The following HRNR variants were observed in gnomAD, a reference collection of about 807,000 sequenced individuals.
The protein encoded by HRNR is filaggrin family member 3.
A neutral mutation model predicts 4.8 loss-of-function variants in HRNR; 7 were observed. The ratio of observed to expected loss-of-function variants is 1.47; its 90% confidence interval spans 0.83 to 2.75. The LOEUF is 2.75. Among genes scored for constraint, HRNR ranks in the 30% most tolerant of loss-of-function variants. The pLI, the probability that HRNR is intolerant of heterozygous loss-of-function variation, is 0.00. For missense variants in HRNR, 2,879 were observed against 3,010.4 expected, an observed-to-expected ratio of 0.96 and a Z score of 1.02; for synonymous variants, 1,023 against 1,242.7, an observed-to-expected ratio of 0.82 and a Z score of 3.72.
chr1:152,220,901 C>G lies in HRNR; in HGVS notation c.728G>C (p.Gly243Ala), dbSNP rs774118332. Residue 243 changes from glycine (G) to alanine (A), a missense_variant, in exon 3 of 3, where the codon GGT (glycine) becomes GCT (alanine). Physicochemically the swap from Gly to Ala is moderately conservative, Grantham distance 60. Transcript: ENST00000368801. ...QHKSSSGQSS[G>A]YSQHGSGSGH... is the part of the protein sequence containing the mutation. ...TGAGCCAGATCCATGCTGACTGTAA[C>G]CAGAGGACTGCCCTGAGCTAGACTT... 6.2e-6 allele frequency: 10 copies of G among 1,614,170 alleles called. No homozygotes were observed. In the East Asian group the frequency reaches 2.2e-4, roughly 36 times the overall value.
chr1:152,223,281 A>T lies in HRNR; in HGVS notation c.-25-3T>A. The T allele has an allele frequency of 1.9e-6, 3 of 1,592,152 alleles. No homozygotes were observed. The highest frequency in any genetic ancestry group is 2.6e-6 in the Non-Finnish European group (3 of 1,167,596). On this transcript the variant is annotated splice_region_variant and splice_polypyrimidine_tract_variant and intron_variant, in intron 1 of 2. Transcript: ENST00000368801. Reference sequence around the variant, plus strand: ...TTTTTTTTGCAAGTTTGAGTAACCTAAAGGGAGGAAAAAGAGAGACCAACC... The same window carrying T: ...TTTTTTTTGCAAGTTTGAGTAACCTTAAGGGAGGAAAAAGAGAGACCAACC...
In HRNR at chr1:152,221,295, G is replaced by C; in HGVS notation, c.334C>G (p.Gln112Glu). The change falls in exon 3 of 3, where the codon CAA becomes GAA. Residue 112 changes from glutamine (Q) to glutamate (E), a missense_variant. Coordinates refer to ENST00000368801, the MANE Select transcript of HRNR (RefSeq NM_001009931.3). The stretch of plus-strand genomic sequence containing the variant: ...TTCTCCTCTTTTTCAGTTTCTTCTT[G>C]TTCCTCTTGGTGCTGGTGAGTGTCA... The part of the protein sequence containing the change: ...RDDTHQHQEE[Q>E]EETEKEENKR... 6.2e-7 allele frequency: 1 copy of C among 1,613,926 alleles called. No individual in the cohort carries two copies. Among genetic ancestry groups the C allele is most frequent in the Non-Finnish European group, 8.5e-7 (1 of 1,180,002 alleles).
At position 152,219,701 on chromosome 1, in the gene HRNR, G is replaced by A; in HGVS notation, c.1928C>T (p.Ser643Leu). Reference sequence around the variant, plus strand: ...TTGGCCATAGCGAGAAGACTGACTTGAGCCAGAGCCATGCTGACCGTGGCT... The same window carrying A: ...TTGGCCATAGCGAGAAGACTGACTTAAGCCAGAGCCATGCTGACCGTGGCT... ...SSSHGQHGSG[S>L]SQSSRYGQQG... The change falls in exon 3 of 3, where the codon TCA (serine) becomes TTA (leucine). Residue 643 changes from serine to leucine, a missense_variant. Ser to Leu is a moderately radical substitution (Grantham distance 145). Around this residue, in one of 8 missense-constraint regions of HRNR, gnomAD observed 2,646 missense variants for 1,377.7 expected, o/e 1.92. Transcript: ENST00000368801. 1 of 1,613,468 alleles carries A rather than the reference G, an allele frequency of 6.2e-7. No homozygotes were observed.
Position 152,221,184 on chromosome 1 carries a change from T to G in HRNR, c.445A>C (p.Lys149Gln). ...SYSRNVRGSL[K>Q]PGTESISRRL... The stretch of plus-strand genomic sequence containing the variant: ...CTGGATATGGATTCAGTCCCAGGTT[T>G]AAGACTTCCTCTGACGTTTCTGGAA... The change falls in exon 3 of 3, where the codon AAA (lysine) becomes CAA (glutamine). Residue 149 changes from lysine to glutamine, a missense_variant. Lys to Gln is a moderately conservative substitution (Grantham distance 53). Transcript: ENST00000368801. The G allele has an allele frequency of 6.2e-7, 1 of 1,614,214 alleles. No individual in the cohort carries two copies. Among genetic ancestry groups the G allele is most frequent in the South Asian group, 1.1e-5 (1 of 91,086 alleles).
chr1:152,218,836 GC>G lies in HRNR; in HGVS notation c.2792del (p.Gly931AlafsTer120). ...RHGSGSGQSSGFGHKSSSGQS... is the reference protein window; with the variant it reads ...RHGSGSGQSSXFGHKSSSGQS... ...GCCCTGAGCTAGACTTGTGACCAAAGCCAGAAGACTGGCCTGAGCCAGACCC... is the reference window on the plus strand; with the variant it reads ...GCCCTGAGCTAGACTTGTGACCAAAGCAGAAGACTGGCCTGAGCCAGACCC... On this transcript the variant is annotated frameshift_variant, in exon 3 of 3. Transcript: ENST00000368801. LOFTEE classifies it low-confidence loss of function (END_TRUNC). The G allele has an allele frequency of 6.2e-7, 1 of 1,613,762 alleles. No individual in the cohort carries two copies. Among genetic ancestry groups the G allele is most frequent in the Non-Finnish European group, 8.5e-7 (1 of 1,179,958 alleles).
rs774895871 is a variant in HRNR, at chr1:152,223,259, T to G, written c.-6A>C. ...CCTTGTAGGAGTTTAGGCATTTTTT[T>G]TTTTGCAAGTTTGAGTAACCTAAAG... On this transcript the variant is annotated 5_prime_UTR_variant, in exon 2 of 3. Coordinates refer to ENST00000368801, the MANE Select transcript of HRNR (RefSeq NM_001009931.3). The G allele has an allele frequency of 6.2e-6, 10 of 1,609,412 alleles. No homozygotes were observed. The highest frequency in any genetic ancestry group is 1.7e-4 in the Middle Eastern group (1 of 6,042).
chr1:152,223,885 G>A (rs1354546817), intron 1 of HRNR, among the ~76,000 whole-genome samples: 1 of 152,198 alleles, frequency 6.6e-6, no homozygotes, highest in Non-Finnish European at 1.5e-5. Context: ...TTGTAAAGAA[G>A]GCAACCTGCC....
chr1:152,219,222 T>G lies in HRNR; in HGVS notation c.2407A>C (p.Ser803Arg). Residue 803 changes from serine (S) to arginine (R), a missense_variant, in exon 3 of 3, where the codon AGC (serine) becomes CGC (arginine). Coordinates refer to ENST00000368801, the MANE Select transcript of HRNR (RefSeq NM_001009931.3). ...GAGCCAGACTCATAATGGCCACAGC[T>G]GGAAGAACAACTTGTGCCAGACCCG... ...QHGSGTSCSS[S>R]CGHYESGSGQ... is the part of the protein sequence containing the mutation. 4.3e-6 allele frequency: 7 copies of G among 1,613,652 alleles called. No individual in the cohort carries two copies. The highest frequency in any genetic ancestry group is 5.9e-6 in the Non-Finnish European group (7 of 1,179,874).
chr1:152,220,985 G>A lies in HRNR; in HGVS notation c.644C>T (p.Ser215Phe). ...AGACCCATGTGTGTCATTGCTGGAA[G>A]ACTGTCCGGAGCCAGAGCCGTGTTG... ...YGQHGSGSGQSSSNDTHGSGS... is the reference protein window; with the variant it reads ...YGQHGSGSGQFSSNDTHGSGS... The change falls in exon 3 of 3, where the codon TCT (serine) becomes TTT (phenylalanine). Residue 215 changes from serine to phenylalanine, a missense_variant. Ser to Phe is a radical substitution (Grantham distance 155). Coordinates refer to ENST00000368801, the MANE Select transcript of HRNR (RefSeq NM_001009931.3). 6.2e-7 allele frequency: 1 copy of A among 1,614,214 alleles called. No individual in the cohort carries two copies. Among genetic ancestry groups the A allele is most frequent in the South Asian group, 1.1e-5 (1 of 91,084 alleles).
rs1360071180 is a variant in HRNR, at chr1:152,219,131, G to T, written c.2498C>A (p.Ser833Tyr). The change falls in exon 3 of 3, where the codon TCT (serine) becomes TAT (tyrosine). Residue 833 changes from serine to tyrosine, a missense_variant. Ser to Tyr is a moderately radical substitution (Grantham distance 144, BLOSUM62 -2). Transcript: ENST00000368801. Reference protein sequence around the residue: ...GSGQGYSQHGSASGHFSSQGR... With the variant: ...GSGQGYSQHGYASGHFSSQGR... The stretch of plus-strand genomic sequence containing the variant: ...CTGGCTAGAGAAGTGACCTGAGGCA[G>T]AACCATGCTGACTATAGCCCTGTCC... 6.2e-7 allele frequency: 1 copy of T among 1,613,700 alleles called. No individual in the cohort carries two copies. The highest frequency in any genetic ancestry group is 2.2e-5 in the East Asian group (1 of 44,818).
rs1648822875 is a variant in HRNR, at chr1:152,219,159, A to T, written c.2470T>A (p.Ser824Thr). The T allele has an allele frequency of 1.2e-6, 2 of 1,613,526 alleles. No individual in the cohort carries two copies. The highest frequency in any genetic ancestry group is 1.1e-5 in the South Asian group (1 of 91,046). ...CCATGCTGACTATAGCCCTGTCCTG[A>T]GCCAGACTCGTGTTGCCCAAAACCA... The part of the protein sequence containing the change: ...ASGFGQHESG[S>T]GQGYSQHGSA... The change falls in exon 3 of 3, where the codon TCA (serine) becomes ACA (threonine). Residue 824 changes from serine to threonine, a missense_variant. By Grantham distance (58) the Ser-to-Thr change is moderately conservative. This residue lies in a region of HRNR where 2,646 missense variants were observed against 1,377.7 expected (regional missense o/e 1.92). Transcript: ENST00000368801.
In HRNR at chr1:152,218,549, T is replaced by C; in HGVS notation, c.3080A>G (p.Tyr1027Cys). 2 of 1,613,724 alleles carry C rather than the reference T, an allele frequency of 1.2e-6. No homozygotes were observed. Among genetic ancestry groups the C allele is most frequent in the Non-Finnish European group, 1.7e-6 (2 of 1,179,964 alleles). The change falls in exon 3 of 3, where the codon TAT becomes TGT. Residue 1027 changes from tyrosine (Y) to cysteine (C), a missense_variant. This residue lies in a region of HRNR where 2,646 missense variants were observed against 1,377.7 expected (regional missense o/e 1.92). Coordinates refer to ENST00000368801, the MANE Select transcript of HRNR (RefSeq NM_001009931.3). ...GSGQSSSYGP[Y>C]RSGSGWSSSR... The stretch of plus-strand genomic sequence containing the variant: ...TGAAGACCACCCTGAGCCAGACCTA[T>C]ATGGGCCATAGCTGGAAGACTGCCC...
intron 2 of HRNR, 49 bp downstream of exon 2, chr1:152,223,067 A>G: frequency 1.3e-6 from 2 of 1,584,924 alleles, no homozygotes; most frequent in Non-Finnish European, 1.7e-6. Flanking sequence ...GTGGAAAGGG[A>G]TAAAGAAGAA....
rs1363894919 is a variant in HRNR, at chr1:152,219,376, G to C, written c.2253C>G (p.Ser751Arg). 3.7e-6 allele frequency: 6 copies of C among 1,614,134 alleles called. No individual in the cohort carries two copies. Among genetic ancestry groups the C allele is most frequent in the Non-Finnish European group, 4.2e-6 (5 of 1,180,018 alleles). Residue 751 changes from serine to arginine, a missense_variant, in exon 3 of 3, where the codon AGC becomes AGG. Ser to Arg is a moderately radical substitution (Grantham distance 110). Around this residue, in one of 8 missense-constraint regions of HRNR, gnomAD observed 2,646 missense variants for 1,377.7 expected, o/e 1.92. Transcript: ENST00000368801. ...GGGAGCCCGACCCATGCTGACCATAGCTGGAAGACAAACCTGAGCTAGATC... is the reference window on the plus strand; with the variant it reads ...GGGAGCCCGACCCATGCTGACCATACCTGGAAGACAAACCTGAGCTAGATC... Reference protein sequence around the residue: ...QHGSSSGLSSSYGQHGSGSHQ... With the variant: ...QHGSSSGLSSRYGQHGSGSHQ...
In HRNR at chr1:152,219,008, G is replaced by T. The variant is rs144612692; in HGVS notation, c.2621C>A (p.Ser874Tyr). 146 of 1,613,946 alleles carry T rather than the reference G, an allele frequency of 9.0e-5. No homozygotes were observed. The highest frequency in any genetic ancestry group is 5.0e-5 in the Admixed American group (3 of 59,994). The change falls in exon 3 of 3, where the codon TCC becomes TAC. Residue 874 changes from serine (S) to tyrosine (Y), a missense_variant. This residue lies in a region of HRNR where 2,646 missense variants were observed against 1,377.7 expected (regional missense o/e 1.92). Transcript: ENST00000368801. ...TCGGCCGCGGCCCGAAGCGTGATGG[G>T]AGGCAGACTCATGCTGACCATAGCT... ...SSSYGQHESA[S>Y]HHASGRGRHG... is the part of the protein sequence containing the mutation.
rs745406942 is a variant in HRNR, at chr1:152,220,177, G to A, written c.1452C>T (p.Gly484=). The change falls in exon 3 of 3, where the codon GGC becomes GGT. Residue 484 remains glycine, a synonymous_variant. Coordinates refer to ENST00000368801, the MANE Select transcript of HRNR (RefSeq NM_001009931.3). The stretch of plus-strand genomic sequence containing the variant: ...GTCCGTGGCCGGAGGAGTGACCTGA[G>A]CCAGATCCATGCTGAGTGTAACCAG... ...HSSGYTQHGS[G]SGHSSGHGQH... 3.7e-6 allele frequency: 6 copies of A among 1,613,146 alleles called. No individual in the cohort carries two copies. The highest frequency in any genetic ancestry group is 4.2e-6 in the Non-Finnish European group (5 of 1,179,466).
At position 152,212,854 on chromosome 1, in the gene HRNR, G is replaced by C. The variant is rs543074697; in HGVS notation, c.*222C>G. The C allele has an allele frequency of 1.6e-6, 1 of 618,396 alleles. No homozygotes were observed. The highest frequency in any genetic ancestry group is 2.1e-5 in the South Asian group (1 of 46,882). 38.3% of individuals were successfully genotyped at this position (618,396 alleles called of 1,614,324 possible). On this transcript the variant is annotated 3_prime_UTR_variant, in exon 3 of 3. Coordinates refer to ENST00000368801, the MANE Select transcript of HRNR (RefSeq NM_001009931.3). ...TCATTCTAACAAGTTATTCCACTCAGTATTTTCTAACAAAGTAGCACAAAT... is the reference window on the plus strand; with the variant it reads ...TCATTCTAACAAGTTATTCCACTCACTATTTTCTAACAAAGTAGCACAAAT...
At chr1:152,222,573 A>G (rs981646913) in intron 2 of HRNR, among the ~76,000 whole-genome samples, 1 of 152,216 alleles carries the variant, frequency 6.6e-6, no homozygotes, top group Non-Finnish European at 1.5e-5. Context: ...TGCTTTGGGC[A>G]AAAAGATGAA....
In HRNR at chr1:152,219,632, C is replaced by T. The variant is rs543361671; in HGVS notation, c.1997G>A (p.Gly666Glu). ...GCTGGAAGAGTGCCCAAAATCGGAC[C>T]CATGTCGGCCGCGACTAGGAGACTG... Reference protein sequence around the residue: ...SGQSPSRGRHGSDFGHSSSYG... With the variant: ...SGQSPSRGRHESDFGHSSSYG... The change falls in exon 3 of 3, where the codon GGG becomes GAG. Residue 666 changes from glycine (G) to glutamate (E), a missense_variant. Physicochemically the swap from Gly to Glu is moderately conservative, Grantham distance 98 (BLOSUM62 -2). Transcript: ENST00000368801. The T allele has an allele frequency of 6.2e-7, 1 of 1,611,950 alleles. No homozygotes were observed. The highest frequency in any genetic ancestry group is 1.3e-5 in the African/African-American group (1 of 74,850).
Sources: allele counts gnomAD v4.1 joint callset (sites outside exome capture counted in the v4.1 genomes callset), GRCh38; gene constraint gnomAD v4.1.1; regional missense constraint gnomAD v4.1.1; transcripts MANE v1.5; gene names NCBI Gene and HGNC (gene_info 2026-07-23, HGNC 2026-07-21).